The following LINGO2 variants were observed in gnomAD, a reference collection of about 807,000 sequenced individuals.
LINGO2 encodes leucine rich repeat and Ig domain containing 2.
Under a neutral mutation model 30.6 loss-of-function variants are expected in LINGO2, and 14 were observed. The observed-to-expected ratio is 0.46, with a 90% CI of 0.30 to 0.72. The LOEUF is 0.72. LINGO2 is among the 30% of genes least tolerant of loss of function. LINGO2 has a pLI of 0.07. For missense variants in LINGO2, 729 were observed against 751.7 expected (o/e 0.97, Z 0.35); for synonymous variants, 317 against 288.5 (o/e 1.10, Z -1.00).
At chr9:29,168,158 C>G in the LINGO2 span, among the ~76,000 whole-genome samples, 61 of 151,814 alleles carry the variant, frequency 4.0e-4, 1 homozygote, top group Middle Eastern at 6.8e-3. Context: ...TTTTGTAATA[C>G]TCAGCCAAAT....
chr9:28,314,169 C>T (rs559845109), intron 3 of LINGO2, among the ~76,000 whole-genome samples: 2 of 152,274 alleles, frequency 1.3e-5, no homozygotes, highest in East Asian at 3.9e-4. Context: ...CTCCTGACCT[C>T]GTGATCTGTC....
chr9:28,347,710 G>T (rs1158679051), intron 3 of LINGO2, among the ~76,000 whole-genome samples: 1 of 152,254 alleles, frequency 6.6e-6, no homozygotes, highest in African/African-American at 2.4e-5. Flanking sequence ...CATTAAACAA[G>T]AATTTCTAGG....
At chr9:28,370,756 G>A (rs1381284052) in intron 3 of LINGO2, among the ~76,000 whole-genome samples, 1 of 152,140 alleles carries the variant, frequency 6.6e-6, no homozygotes, top group Non-Finnish European at 1.5e-5. Context: ...ACCACTGTGG[G>A]ACGCCTCATG....
intron 5 of LINGO2, among the ~76,000 whole-genome samples, chr9:28,003,386 T>TATAGAG (rs144010026): frequency 0.047 from 6,384 of 134,684 alleles, 173 homozygotes; most frequent in Non-Finnish European, 0.069. Context: ...TAGATAGATA[T>TATAGAG]AGAGAGAGAG....
the LINGO2 span, among the ~76,000 whole-genome samples, chr9:28,908,176 C>CA: frequency 6.7e-6 from 1 of 149,328 alleles, no homozygotes; most frequent in African/African-American, 2.5e-5. Flanking sequence ...CACACACATA[C>CA]AAAACTTCTC....
the LINGO2 span, among the ~76,000 whole-genome samples, chr9:28,727,514 T>G: frequency 2.6e-5 from 4 of 152,148 alleles, no homozygotes; most frequent in African/African-American, 9.7e-5. Context: ...GGTCTCAATC[T>G]CCTGATCTCA....
chr9:28,118,519 G>T (rs888101126), intron 4 of LINGO2, among the ~76,000 whole-genome samples: 1 of 152,128 alleles, frequency 6.6e-6, no homozygotes, highest in Non-Finnish European at 1.5e-5. Flanking sequence ...CTTTGGAGTG[G>T]CAAGTAGAAA....
intron 4 of LINGO2, among the ~76,000 whole-genome samples, chr9:28,179,602 A>G (rs949567304): frequency 9.9e-5 from 14 of 141,614 alleles, no homozygotes; most frequent in Admixed American, 2.2e-4. Flanking sequence ...TATATATACT[A>G]TAGTGTATAT....
chr9:28,712,500 G>A, the LINGO2 span, among the ~76,000 whole-genome samples: 1 of 150,730 alleles, frequency 6.6e-6, no homozygotes, highest in African/African-American at 2.4e-5. Flanking sequence ...GAATGCCTAT[G>A]ATTGAAACTC....
At chr9:28,311,328 A>G (rs149881930) in intron 3 of LINGO2, among the ~76,000 whole-genome samples, 2,826 of 152,242 alleles carry the variant, frequency 0.019, 48 homozygotes, top group Middle Eastern at 0.041. Context: ...TTTTGGGCAC[A>G]CATTGTCATT....
intron 2 of LINGO2, among the ~76,000 whole-genome samples, chr9:28,433,320 T>G (rs1272094458): frequency 2.2e-5 from 3 of 134,960 alleles, no homozygotes; most frequent in Non-Finnish European, 5.2e-5. Flanking sequence ...TCTCAGCCAC[T>G]GGGTGTACTC....
intron 3 of LINGO2, among the ~76,000 whole-genome samples, chr9:28,349,775 A>G (rs935339185): frequency 2.6e-5 from 4 of 151,412 alleles, no homozygotes; most frequent in Non-Finnish European, 5.9e-5. Context: ...CTCAAAGGGA[A>G]GCCCATCAGA....
chr9:29,087,915 C>T, the LINGO2 span, among the ~76,000 whole-genome samples: 1 of 152,038 alleles, frequency 6.6e-6, no homozygotes, highest in Non-Finnish European at 1.5e-5. Flanking sequence ...ATGATACCTA[C>T]CTCATAAAGA....
At chr9:28,575,244 C>T (rs1442324306) in intron 1 of LINGO2, among the ~76,000 whole-genome samples, 1 of 151,744 alleles carries the variant, frequency 6.6e-6, no homozygotes, top group Non-Finnish European at 1.5e-5. Flanking sequence ...TCTAAGAATA[C>T]AAAAATTAGC....
At chr9:28,272,286 C>T (rs1240840993) in intron 4 of LINGO2, among the ~76,000 whole-genome samples, 1 of 152,042 alleles carries the variant, frequency 6.6e-6, no homozygotes, top group Non-Finnish European at 1.5e-5. Flanking sequence ...CAGGGGCCTC[C>T]CTTTGCACTT....
chr9:27,995,579 A>T (rs376847390), intron 5 of LINGO2, among the ~76,000 whole-genome samples: 194 of 152,314 alleles, frequency 1.3e-3, no homozygotes, highest in African/African-American at 4.4e-3. Flanking sequence ...GGTTAATCAC[A>T]TTAGTAGAAT....
intron 1 of LINGO2, among the ~76,000 whole-genome samples, chr9:28,581,434 A>T (rs1389881698): frequency 6.6e-6 from 1 of 151,606 alleles, no homozygotes; most frequent in African/African-American, 2.4e-5. Flanking sequence ...CAAATCATCC[A>T]CTATGATGAT....
chr9:28,661,933 T>C (rs1318753127), intron 1 of LINGO2, among the ~76,000 whole-genome samples: 1 of 152,118 alleles, frequency 6.6e-6, no homozygotes, highest in African/African-American at 2.4e-5. Flanking sequence ...AAGGTACTCA[T>C]GAGGATGGCA....
the LINGO2 span, among the ~76,000 whole-genome samples, chr9:29,165,645 T>C: frequency 1.3e-5 from 2 of 152,216 alleles, no homozygotes; most frequent in African/African-American, 4.8e-5. Flanking sequence ...GAAACTTGAA[T>C]TGCAGGAGAA....
Sources: allele counts gnomAD v4.1 joint callset (sites outside exome capture counted in the v4.1 genomes callset), GRCh38; gene constraint gnomAD v4.1.1; transcripts MANE v1.5; gene names NCBI Gene and HGNC (gene_info 2026-07-23, HGNC 2026-07-21).